Variants in RBM10 observed in about 807,000 individuals in gnomAD.
The protein encoded by RBM10 is RNA-binding protein 10.
RBM10 carries 1 observed loss-of-function variant against 84.9 expected under a neutral mutation model. The observed-to-expected ratio is 0.01, with a 90% CI of 0.00 to 0.06. RBM10 has a LOEUF of 0.06. Ranked by LOEUF, RBM10 falls within the 10% of genes least tolerant of loss-of-function variation. RBM10 has a pLI of 1.00. For missense variants in RBM10, 438 were observed against 839.0 expected (o/e 0.52, Z 5.90); for synonymous variants, 326 against 344.5 (o/e 0.95, Z 0.60).
At chrX:47,147,261 T>C in intron 1 of RBM10, 96 bp from the exon 2 acceptor site, 1 of 898,252 alleles carries the variant, frequency 1.1e-6, no homozygotes, top group South Asian at 2.1e-5. Flanking sequence ...GTCCCTGGGC[T>C]AAGGGGCAGC....
chrX:47,179,249 A>G (rs2147166288), intron 8 of RBM10, 70 bp from the exon 9 acceptor site: 2 of 1,186,943 alleles, frequency 1.7e-6, no homozygotes, highest in Non-Finnish European at 2.3e-6. Context: ...AGGGCTTGGT[A>G]TAGGGAGGAG....
chrX:47,150,182 T>C (rs1156644155), intron 2 of RBM10, among the ~76,000 whole-genome samples: 8 of 110,984 alleles, frequency 7.2e-5, no homozygotes, highest in Non-Finnish European at 1.3e-4. Context: ...TTTGTTTGTT[T>C]GTTTTGAGAT....
At chrX:47,156,983 T>G (rs1222065691) in intron 2 of RBM10, 1 of 270,130 alleles carries the variant, frequency 3.7e-6, no homozygotes. Flanking sequence ...CCTCGTAGGC[T>G]GGGAAGGCGT....
chrX:47,181,430 G>A (rs2147186823), intron 13 of RBM10, 29 bp downstream of exon 13: 1 of 1,208,311 alleles, frequency 8.3e-7, no homozygotes, highest in Non-Finnish European at 1.1e-6. Flanking sequence ...CTCTGCAGCT[G>A]TGGTGGGGGC....
rs782447859 is a variant in RBM10 at position 47,184,891 on chromosome X, C to T, written c.1951-164C>T. On this transcript the variant is annotated intron_variant, in intron 17 of 23. Coordinates refer to ENST00000377604, the MANE Select transcript of RBM10 (RefSeq NM_005676.5). ...AGAGCGCTCTGCTGGGAAAGGTGGT[C>T]AGGAGCCGTAGCCCAGAGGCCAGAT... Among the ~76,000 whole-genome samples, 10 of 110,904 alleles carry T rather than the reference C, an allele frequency of 9.0e-5. No homozygotes were observed. In the South Asian group the frequency reaches 3.9e-3, roughly 43 times the overall value.
At position 47,176,577 on chromosome X, in the gene RBM10, G is replaced by A. The variant is rs2147156794; in HGVS notation, c.654G>A (p.Leu218=). The A allele has an allele frequency of 8.3e-7, 1 of 1,211,407 alleles. No homozygotes were observed. The highest frequency in any genetic ancestry group is 2.2e-5 in the Admixed American group (1 of 45,952). The change falls in exon 7 of 24, where the codon CTG becomes CTA. Residue 218 remains leucine, a synonymous_variant. Coordinates refer to ENST00000377604, the MANE Select transcript of RBM10 (RefSeq NM_005676.5). ...AGCCCAAGATCAATGAGGACTGGCT[G>A]TGCAATAAGGTACAGGGGCGGTGGG... ...DPKPKINEDW[L]CNKCGVQNFK...
chrX:47,150,541 G>A (rs782126039), intron 2 of RBM10, among the ~76,000 whole-genome samples: 1 of 111,837 alleles, frequency 8.9e-6, no homozygotes, highest in Non-Finnish European at 1.9e-5. Flanking sequence ...GCATACGGTA[G>A]GCTCCGGTTT....
At chrX:47,185,930 T>A (rs781794557) in intron 21 of RBM10, 135 bp from the exon 22 acceptor site, 2 of 1,147,397 alleles carry the variant, frequency 1.7e-6, no homozygotes, top group South Asian at 3.8e-5. Context: ...TGCTTGTGCC[T>A]GTGATGGCCT....
chrX:47,150,512 G>A (rs781951114), intron 2 of RBM10, among the ~76,000 whole-genome samples: 15 of 111,973 alleles, frequency 1.3e-4, no homozygotes, highest in Non-Finnish European at 1.7e-4. Flanking sequence ...AATCCATCTA[G>A]ATTCCACTCT....
rs2147176610 is a variant in RBM10, at chrX:47,180,215, G to A, written c.1066G>A (p.Ala356Thr). ...AFIQLSTIVE[A>T]AQLLQILQAL... ...CCTGCCTCCCCTCCTCCCACAGGAG[G>A]CAGCCCAGCTGCTGCAGATCCTGCA... Residue 356 changes from alanine to threonine, a missense_variant, in exon 11 of 24, where the codon GCA becomes ACA. Transcript: ENST00000377604. 1 of 1,200,054 alleles carries A rather than the reference G, an allele frequency of 8.3e-7. No individual in the cohort carries two copies. The highest frequency in any genetic ancestry group is 1.1e-6 in the Non-Finnish European group (1 of 888,767).
chrX:47,151,797 G>A (rs1932800202), intron 2 of RBM10, among the ~76,000 whole-genome samples: 2 of 112,481 alleles, frequency 1.8e-5, no homozygotes, highest in Admixed American at 1.9e-4. Flanking sequence ...TAAGTATGGT[G>A]CATGCAGTAA....
chrX:47,154,514 C>T (rs181303560), intron 2 of RBM10, among the ~76,000 whole-genome samples: 223 of 108,082 alleles, frequency 2.1e-3, no homozygotes, highest in Middle Eastern at 4.8e-3. Context: ...TTCAGTGGTG[C>T]GATCTTGGCT....
At chrX:47,167,107 G>A (rs1215780106) in intron 2 of RBM10, among the ~76,000 whole-genome samples, 2 of 111,038 alleles carry the variant, frequency 1.8e-5, no homozygotes, top group African/African-American at 6.5e-5. Context: ...GTGAGATAGA[G>A]CATCTTTTCA....
chrX:47,165,282 G>A (rs1179992410), intron 2 of RBM10, among the ~76,000 whole-genome samples: 4 of 109,769 alleles, frequency 3.6e-5, no homozygotes, highest in Admixed American at 2.0e-4. Context: ...TTGGGAGGCC[G>A]AGACGGGCGG....
rs1017183377 is a variant in RBM10 at position 47,180,587 on chromosome X, G to T, written c.1248+81G>T. On this transcript the variant is annotated intron_variant, in intron 12 of 23. Coordinates refer to ENST00000377604, the MANE Select transcript of RBM10 (RefSeq NM_005676.5). ...CCTGCACCCTCTCTGAAGCAGGAAGGCTGGCTTGCTATCCATGGATGCAAA... is the reference window on the plus strand; with the variant it reads ...CCTGCACCCTCTCTGAAGCAGGAAGTCTGGCTTGCTATCCATGGATGCAAA... 1.6e-5 allele frequency: 19 copies of T among 1,169,881 alleles called. No individual in the cohort carries two copies. The African/African-American group carries it at 3.1e-4, about 19-fold the overall frequency.
intron 2 of RBM10, among the ~76,000 whole-genome samples, chrX:47,153,943 A>G (rs1556764372): frequency 9.0e-6 from 1 of 110,851 alleles, no homozygotes; most frequent in African/African-American, 3.3e-5. Context: ...CTATAGTTCT[A>G]ACTACTCAGG....
intron 9 of RBM10, 118 bp downstream of exon 9, chrX:47,179,613 A>G: frequency 1.1e-6 from 1 of 896,937 alleles, no homozygotes; most frequent in Non-Finnish European, 1.6e-6. Flanking sequence ...TGGTGCGGGG[A>G]TAGACATTTG....
intron 6 of RBM10, among the ~76,000 whole-genome samples, chrX:47,176,060 T>C (rs1935114042): frequency 8.9e-6 from 1 of 112,696 alleles, no homozygotes; most frequent in Admixed American, 9.3e-5. Context: ...GGCTCTTTCT[T>C]TTTCCCCTTC....
intron 3 of RBM10, among the ~76,000 whole-genome samples, chrX:47,170,362 C>T (rs1417278006): frequency 1.8e-5 from 2 of 113,507 alleles, no homozygotes; most frequent in African/African-American, 6.4e-5. Flanking sequence ...CCACTGTGGG[C>T]GGGAGGGCTT....
Sources: allele counts gnomAD v4.1 joint callset (sites outside exome capture counted in the v4.1 genomes callset), GRCh38; gene constraint gnomAD v4.1.1; transcripts MANE v1.5; gene names NCBI Gene and HGNC (gene_info 2026-07-23, HGNC 2026-07-21).